SAMD12: variants seen among roughly 807,000 people sequenced by gnomAD.
The protein encoded by SAMD12 is sterile alpha motif domain containing 12.
SAMD12 carries 9 observed loss-of-function variants against 15.0 expected under a neutral mutation model. The ratio of observed to expected loss-of-function variants is 0.60; its 90% CI spans 0.36 to 1.05. The LOEUF (loss-of-function observed/expected upper bound fraction) is 1.05. Among genes scored for constraint, SAMD12 ranks in the 50% least tolerant of loss-of-function variants. SAMD12 has a pLI of 0.01. For missense variants in SAMD12, 230 were observed against 234.2 expected (o/e 0.98, Z 0.12); for synonymous variants, 86 against 90.1 (o/e 0.96, Z 0.25).
intron 4 of SAMD12, among the ~76,000 whole-genome samples, chr8:118,350,416 T>G (rs559147085): frequency 6.6e-6 from 1 of 152,316 alleles, no homozygotes; most frequent in African/African-American, 2.4e-5. Context: ...GGTTTTATAG[T>G]CAGGTAGACC....
At position 118,379,677 on chromosome 8, in the gene SAMD12, C is replaced by T. The variant is rs762699586; in HGVS notation, c.346G>A (p.Asp116Asn). ...ATCCCCATTCGCTCGAGCTTTTTGT[C>T]AGTAAGTCTCAGCAGGGCTCGCCCT... is the stretch of plus-strand genomic sequence containing the variant. ...ITGRALLRLT[D>N]KKLERMGIAQ... Residue 116 changes from aspartate to asparagine, a missense_variant, in exon 4 of 4, where the codon GAC becomes AAC. By Grantham distance (23) the Asp-to-Asn change is conservative. Transcript: ENST00000314727. 1 of 1,613,702 alleles carries T rather than the reference C, an allele frequency of 6.2e-7. No individual in the cohort carries two copies. Among genetic ancestry groups the T allele is most frequent in the Non-Finnish European group, 8.5e-7 (1 of 1,179,802 alleles).
intron 2 of SAMD12, among the ~76,000 whole-genome samples, chr8:118,503,781 C>A (rs546554359): frequency 2.6e-5 from 4 of 151,982 alleles, no homozygotes; most frequent in African/African-American, 9.7e-5. Flanking sequence ...TCTGCCCAGG[C>A]GAAATCCAGT....
intron 4 of SAMD12, among the ~76,000 whole-genome samples, chr8:118,321,075 TTGA>T (rs1170657231): frequency 1.4e-5 from 2 of 143,866 alleles, no homozygotes; most frequent in South Asian, 2.2e-4. Context: ...CAGCAAGAAG[TTGA>T]TGAATACATA....
chr8:118,408,662 T>TA (rs1405127026), intron 3 of SAMD12, among the ~76,000 whole-genome samples: 2 of 152,168 alleles, frequency 1.3e-5, no homozygotes, highest in Admixed American at 6.5e-5. Flanking sequence ...TTTGCTAATT[T>TA]AAAAAACAAT....
the SAMD12 span, among the ~76,000 whole-genome samples, chr8:118,160,844 A>G: frequency 1.3e-5 from 2 of 152,140 alleles, no homozygotes; most frequent in East Asian, 3.9e-4. Context: ...CACAACGTGC[A>G]GGTTTGTTAC....
At chr8:118,170,294 T>C in the SAMD12 span, among the ~76,000 whole-genome samples, 2 of 152,196 alleles carry the variant, frequency 1.3e-5, no homozygotes, top group African/African-American at 4.8e-5. Flanking sequence ...ATTATTACCG[T>C]AGATATATTA....
intron 4 of SAMD12, among the ~76,000 whole-genome samples, chr8:118,264,946 A>G (rs936283136): frequency 6.6e-6 from 1 of 152,162 alleles, no homozygotes; most frequent in African/African-American, 2.4e-5. Context: ...TGCGAAGGGC[A>G]GGGCTCAGGT....
chr8:118,298,963 T>C (rs186882808), intron 4 of SAMD12, among the ~76,000 whole-genome samples: 202 of 152,294 alleles, frequency 1.3e-3, no homozygotes, highest in African/African-American at 4.5e-3. Context: ...AAGCACTGTT[T>C]TGTCTATTTT....
At chr8:118,534,356 C>G (rs566055046) in intron 2 of SAMD12, among the ~76,000 whole-genome samples, 4 of 152,256 alleles carry the variant, frequency 2.6e-5, no homozygotes, top group African/African-American at 9.6e-5. Flanking sequence ...CCCGACCTTG[C>G]TCTCTGGCTG....
At chr8:118,188,799 T>C (rs1240402877), downstream of SAMD12, among the ~76,000 whole-genome samples, 2 of 151,932 alleles carry the variant, frequency 1.3e-5, no homozygotes, top group Non-Finnish European at 1.5e-5. Context: ...TTGAGAAAAA[T>C]GGCCCTTTAA....
chr8:118,331,532 G>T lies in SAMD12; in HGVS notation c.433+48028C>A, dbSNP rs1327258595. On this transcript the variant is annotated intron_variant, in intron 4 of 4. Transcript: ENST00000409003. ...TTTTCAGGGAGAATGGTGATTTTAG[G>T]ATTCCTAAATTCTTTTATCAGCCCA... Among the ~76,000 whole-genome samples, 6 of 152,186 alleles carry T rather than the reference G, an allele frequency of 3.9e-5. No individual in the cohort carries two copies. The East Asian group carries it at 7.7e-4, about 20-fold the overall frequency.
At chr8:118,572,035 C>A (rs1179709932) in intron 2 of SAMD12, among the ~76,000 whole-genome samples, 1 of 152,210 alleles carries the variant, frequency 6.6e-6, no homozygotes, top group African/African-American at 2.4e-5. Context: ...GGAGGCTGTA[C>A]ATGCAAACCC....
intron 4 of SAMD12, among the ~76,000 whole-genome samples, chr8:118,315,417 C>T (rs1815844001): frequency 6.6e-6 from 1 of 152,112 alleles, no homozygotes; most frequent in Admixed American, 6.5e-5. Context: ...CTCCTAAATT[C>T]CTGAGTTTAG....
intron 2 of SAMD12, among the ~76,000 whole-genome samples, chr8:118,525,872 C>A (rs927471500): frequency 6.6e-5 from 10 of 152,202 alleles, no homozygotes; most frequent in South Asian, 2.1e-4. Flanking sequence ...CATCTGCTAA[C>A]CATACCCCAT....
At chr8:118,287,274 A>G (rs1219633311) in intron 4 of SAMD12, among the ~76,000 whole-genome samples, 6 of 147,010 alleles carry the variant, frequency 4.1e-5, no homozygotes, top group South Asian at 2.2e-4. Context: ...ACAGGCGCCC[A>G]CCACTGCGCC....
At chr8:118,311,421 G>C (rs1815626247) in intron 4 of SAMD12, among the ~76,000 whole-genome samples, 2 of 152,180 alleles carry the variant, frequency 1.3e-5, no homozygotes, top group Admixed American at 6.6e-5. Context: ...TACCACAGCA[G>C]AGTTGAGTCA....
intron 4 of SAMD12, among the ~76,000 whole-genome samples, chr8:118,298,576 TTTG>T (rs1381273886): frequency 6.6e-6 from 1 of 152,222 alleles, no homozygotes; most frequent in Non-Finnish European, 1.5e-5. Flanking sequence ...TTAAATACAG[TTTG>T]TTGTTTATAC....
At chr8:118,191,756 T>TTATA (rs774278612) in exon 5 of SAMD12, 3 of 15,354 alleles carry the variant, frequency 2.0e-4, no homozygotes, top group African/African-American at 2.1e-4. Flanking sequence ...ATACTGGAGA[T>TTATA]TATATATATA....
chr8:118,226,255 T>A (rs978716501), intron 4 of SAMD12, among the ~76,000 whole-genome samples: 6 of 152,190 alleles, frequency 3.9e-5, no homozygotes, highest in African/African-American at 1.2e-4. Context: ...AGGATTAAAA[T>A]TCTCACCATC....
Sources: gnomAD v4.1 joint callset for allele counts (sites outside exome capture counted in the v4.1 genomes callset) on GRCh38, gnomAD v4.1.1 for gene constraint, MANE v1.5 for transcripts, NCBI Gene and HGNC (gene_info 2026-07-23, HGNC 2026-07-21) for gene names.